The following CASC3 variants were observed in gnomAD, a reference collection of about 807,000 sequenced individuals.
CASC3 encodes protein CASC3.
In CASC3, 30 loss-of-function variants were observed where a neutral mutation model predicts 80.5. That is an observed-to-expected ratio of 0.37 (90% confidence interval 0.28 to 0.51). CASC3 has a LOEUF of 0.51. Ranked by LOEUF, CASC3 falls within the 20% of genes least tolerant of loss-of-function variation. The pLI is 0.94. For missense variants in CASC3, 824 were observed against 922.2 expected, an observed-to-expected ratio of 0.89 and a Z score of 1.38; for synonymous variants, 312 against 333.6, an observed-to-expected ratio of 0.94 and a Z score of 0.70.
At chr17:40,169,078 AT>A (rs1395030842) in intron 11 of CASC3, 2 of 408,932 alleles carry the variant, frequency 4.9e-6, no homozygotes, top group Non-Finnish European at 8.7e-6. Context: ...AGCCTTTTCC[AT>A]TTGTCAGCTG....
intron 2 of CASC3, 144 bp from the exon 3 acceptor site, chr17:40,141,426 C>T: frequency 3.5e-6 from 3 of 849,308 alleles, no homozygotes; most frequent in South Asian, 1.5e-5. Context: ...GAGCCTGTTT[C>T]TCCTTTTGTA....
At chr17:40,157,629 C>T (rs1989186401) in intron 3 of CASC3, among the ~76,000 whole-genome samples, 1 of 151,966 alleles carries the variant, frequency 6.6e-6, no homozygotes, top group East Asian at 1.9e-4. Context: ...GAGCTGAGAT[C>T]GCGCCATTGC....
rs760447191 is a variant in CASC3 at position 40,161,748 on chromosome 17, T to G, written c.298-5T>G. On this transcript the variant is annotated splice_polypyrimidine_tract_variant and splice_region_variant and intron_variant, in intron 3 of 13. Coordinates refer to ENST00000264645, the MANE Select transcript of CASC3 (RefSeq NM_007359.5). ...ATGCATCGCTGACAGGGAAACTTTTTTCAGGGTGAAGAAGGTGAATACAGT... is the reference window on the plus strand; with the variant it reads ...ATGCATCGCTGACAGGGAAACTTTTGTCAGGGTGAAGAAGGTGAATACAGT... 17 of 1,613,560 alleles carry G rather than the reference T, an allele frequency of 1.1e-5. No individual in the cohort carries two copies. Among genetic ancestry groups the G allele is most frequent in the Non-Finnish European group, 1.4e-5 (17 of 1,179,824 alleles).
intron 9 of CASC3, 112 bp from the exon 10 acceptor site, chr17:40,167,738 T>C: frequency 7.9e-7 from 1 of 1,266,914 alleles, no homozygotes; most frequent in Non-Finnish European, 1.1e-6. Context: ...GTCTGGTTGC[T>C]GTTTTCTTCG....
At chr17:40,144,640 G>A (rs1381561516) in intron 3 of CASC3, among the ~76,000 whole-genome samples, 3 of 148,936 alleles carry the variant, frequency 2.0e-5, no homozygotes, top group Non-Finnish European at 4.5e-5. Context: ...ACGGGTGTGA[G>A]CCACTGTGCC....
At chr17:40,168,484 G>A (rs993127375) in intron 11 of CASC3, 67 bp downstream of exon 11, 1 of 1,393,852 alleles carries the variant, frequency 7.2e-7, no homozygotes, top group Non-Finnish European at 1.0e-6. Flanking sequence ...ATGTGGTATG[G>A]GGAGAATGCT....
chr17:40,162,272 T>C, intron 5 of CASC3, 119 bp downstream of exon 5: 1 of 1,115,448 alleles, frequency 9.0e-7, no homozygotes, highest in South Asian at 1.6e-5. Context: ...ATGATTATCC[T>C]TATCGTACAA....
chr17:40,158,045 CT>C (rs1989196712), intron 3 of CASC3, among the ~76,000 whole-genome samples: 1 of 152,072 alleles, frequency 6.6e-6, no homozygotes, highest in South Asian at 2.1e-4. Context: ...GGCATACTTG[CT>C]GCAACTTCTA....
At chr17:40,160,572 G>T (rs1350134383) in intron 3 of CASC3, among the ~76,000 whole-genome samples, 1 of 151,818 alleles carries the variant, frequency 6.6e-6, no homozygotes, top group African/African-American at 2.4e-5. Context: ...GTTAGGTATC[G>T]TATAGTAAGT....
At chr17:40,156,624 G>A (rs541709277) in intron 3 of CASC3, among the ~76,000 whole-genome samples, 1 of 152,096 alleles carries the variant, frequency 6.6e-6, no homozygotes, top group African/African-American at 2.4e-5. Flanking sequence ...GGGAGGCGGA[G>A]CTTGCAGTGA....
chr17:40,142,742 T>A (rs575886695), intron 3 of CASC3, among the ~76,000 whole-genome samples: 75 of 146,664 alleles, frequency 5.1e-4, no homozygotes, highest in South Asian at 1.1e-3. Flanking sequence ...CAAAAAAAAA[T>A]AATAATAAAT....
chr17:40,161,201 C>T (rs1989288928), intron 3 of CASC3, among the ~76,000 whole-genome samples: 1 of 151,950 alleles, frequency 6.6e-6, no homozygotes, highest in Non-Finnish European at 1.5e-5. Context: ...GTTGGTCTCA[C>T]ACTCCTGACC....
At position 40,170,626 on chromosome 17, in the gene CASC3, C is replaced by T; in HGVS notation, c.*221C>T. ...AAGTGGACCTCGTCCCATCTTCACT[C>T]TTCACTTGAGTTGGCTGTGTTCGGG... On this transcript the variant is annotated 3_prime_UTR_variant, in exon 14 of 14. Coordinates refer to ENST00000264645, the MANE Select transcript of CASC3 (RefSeq NM_007359.5). 2.0e-6 allele frequency: 2 copies of T among 985,578 alleles called. No homozygotes were observed. The highest frequency in any genetic ancestry group is 2.4e-6 in the Non-Finnish European group (2 of 829,946). 61.1% of individuals were successfully genotyped at this position (985,578 alleles called of 1,614,324 possible).
rs41283419 is a variant in CASC3 at position 40,168,301 on chromosome 17, C to T, written c.1849C>T (p.Leu617Phe). 6.0e-3 allele frequency: 9,705 copies of T among 1,614,150 alleles called. 59 individuals carry two copies. Among genetic ancestry groups the T allele is most frequent in the Non-Finnish European group, 6.6e-3 (7,836 of 1,180,010 alleles). ...AGGACAGCCACCACCTCAGCAGTTG[C>T]TTGCTCCTACTTACTTTTCTGCTCC... is the stretch of plus-strand genomic sequence containing the variant. ...SPGQPPPQQL[L>F]APTYFSAPGV... Residue 617 changes from leucine to phenylalanine, a missense_variant, in exon 11 of 14, where the codon CTT becomes TTT. Around this residue, in one of 3 missense-constraint regions of CASC3, gnomAD observed 464 missense variants for 506.0 expected, o/e 0.92. Transcript: ENST00000264645.
chr17:40,153,648 C>T (rs542971935), intron 3 of CASC3, among the ~76,000 whole-genome samples: 30 of 152,270 alleles, frequency 2.0e-4, no homozygotes, highest in African/African-American at 7.2e-4. Context: ...TTCTCTATAT[C>T]CTTAACAGCA....
At chr17:40,155,092 T>C (rs1989112773) in intron 3 of CASC3, among the ~76,000 whole-genome samples, 1 of 151,940 alleles carries the variant, frequency 6.6e-6, no homozygotes. Context: ...GGTTTCACCG[T>C]GTTAGCCAGG....
intron 3 of CASC3, among the ~76,000 whole-genome samples, chr17:40,156,186 A>G (rs1431402615): frequency 1.3e-5 from 2 of 152,190 alleles, no homozygotes; most frequent in Non-Finnish European, 2.9e-5. Context: ...CAAGGAAAGA[A>G]CTGAATGATT....
intron 3 of CASC3, among the ~76,000 whole-genome samples, chr17:40,152,038 G>T (rs746196370): frequency 1.3e-5 from 2 of 152,110 alleles, no homozygotes; most frequent in South Asian, 2.1e-4. Flanking sequence ...GCTAATTAAC[G>T]TATCTATCAC....
chr17:40,145,017 C>T (rs891964271), intron 3 of CASC3, among the ~76,000 whole-genome samples: 9 of 151,600 alleles, frequency 5.9e-5, no homozygotes, highest in Middle Eastern at 3.4e-3. Flanking sequence ...CATGCCACCA[C>T]GCCCGCCTAA....
Sources: allele counts gnomAD v4.1 joint callset (sites outside exome capture counted in the v4.1 genomes callset), GRCh38; gene constraint gnomAD v4.1.1; regional missense constraint gnomAD v4.1.1; transcripts MANE v1.5; gene names NCBI Gene and HGNC (gene_info 2026-07-23, HGNC 2026-07-21).